KCNG1: variants seen among roughly 807,000 people sequenced by gnomAD.
The protein encoded by KCNG1 is potassium voltage-gated channel modifier subfamily G member 1.
Under a neutral mutation model 32.4 loss-of-function variants are expected in KCNG1, and 17 were observed. The ratio of observed to expected loss-of-function variants is 0.52; its 90% confidence interval spans 0.36 to 0.79. The LOEUF (loss-of-function observed/expected upper bound fraction) is 0.79. KCNG1 is among the 30% of genes least tolerant of loss of function. The pLI is 0.00. For synonymous variants in KCNG1, 358 were observed against 339.9 expected, an observed-to-expected ratio of 1.05 and a Z score of -0.59; for missense variants, 441 against 735.2, an observed-to-expected ratio of 0.60 and a Z score of 4.63.
At position 51,003,881 on chromosome 20, in the gene KCNG1, C is replaced by A; in HGVS notation, c.*158G>T. Reference sequence around the variant, plus strand: ...TCTGCTGATGTTCTAGTGTTCTTCCCGGGGTGTGGGAGTGAGGGTGTCCTT... The same window carrying A: ...TCTGCTGATGTTCTAGTGTTCTTCCAGGGGTGTGGGAGTGAGGGTGTCCTT... On this transcript the variant is annotated 3_prime_UTR_variant, in exon 3 of 3. Coordinates refer to ENST00000371571, the MANE Select transcript of KCNG1 (RefSeq NM_002237.4). 1 of 729,528 alleles carries A rather than the reference C, an allele frequency of 1.4e-6. No individual in the cohort carries two copies. The highest frequency in any genetic ancestry group is 2.9e-5 in the Admixed American group (1 of 34,598). 45.2% of individuals were successfully genotyped at this position (729,528 alleles called of 1,614,324 possible).
chr20:51,009,019 G>C (rs898619540), intron 2 of KCNG1, among the ~76,000 whole-genome samples: 2 of 152,166 alleles, frequency 1.3e-5, no homozygotes, highest in Non-Finnish European at 1.5e-5. Context: ...AGGCCCTGGA[G>C]TAAATAAACT....
chr20:51,004,961 G>C lies in KCNG1; in HGVS notation c.775-155C>G, dbSNP rs938730345. The C allele has an allele frequency of 6.1e-6, 4 of 660,450 alleles. No individual in the cohort carries two copies. The highest frequency in any genetic ancestry group is 9.8e-6 in the Non-Finnish European group (4 of 408,284). 40.9% of individuals were successfully genotyped at this position (660,450 alleles called of 1,614,324 possible). Reference sequence around the variant, plus strand: ...TCCTCTCCCTAGTTGTGCCCACTCCGAGGCCTGGGGCACTAAGCACCATCT... The same window carrying C: ...TCCTCTCCCTAGTTGTGCCCACTCCCAGGCCTGGGGCACTAAGCACCATCT... On this transcript the variant is annotated intron_variant, in intron 2 of 2. Coordinates refer to ENST00000371571, the MANE Select transcript of KCNG1 (RefSeq NM_002237.4). This position sits in a 1 kb window ranked among gnomAD's most constrained non-coding sequence, Gnocchi z 4.3.
At position 51,004,559 on chromosome 20, in the gene KCNG1, A is replaced by G; in HGVS notation, c.1022T>C (p.Val341Ala). 7 of 1,583,368 alleles carry G rather than the reference A, an allele frequency of 4.4e-6. No homozygotes were observed. The highest frequency in any genetic ancestry group is 5.1e-6 in the Non-Finnish European group (6 of 1,165,578). ...GCGCAGCGCCCGCAGCACGCGCAGC[A>G]CCAGCCCCACCTTGTCCAGGTAGCT... Reference protein sequence around the residue: ...GNSYLDKVGLVLRVLRALRIL... With the variant: ...GNSYLDKVGLALRVLRALRIL... Residue 341 changes from valine to alanine, a missense_variant, in exon 3 of 3, where the codon GTG becomes GCG. Transcript: ENST00000371571. This position sits in a 1 kb window ranked among gnomAD's most constrained non-coding sequence, Gnocchi z 4.3.
chr20:51,013,324 A>C (rs1315619586), intron 1 of KCNG1, among the ~76,000 whole-genome samples: 1 of 150,052 alleles, frequency 6.7e-6, no homozygotes, highest in Non-Finnish European at 1.5e-5. Context: ...CAAAACAAAA[A>C]AACAAAATCA....
intron 1 of KCNG1, among the ~76,000 whole-genome samples, chr20:51,022,287 G>C (rs1988511154): frequency 6.6e-6 from 1 of 152,144 alleles, no homozygotes; most frequent in African/African-American, 2.4e-5. Context: ...CTCCCACATG[G>C]AAACCCTAAG....
At position 51,004,274 on chromosome 20, in the gene KCNG1, G is replaced by C; in HGVS notation, c.1307C>G (p.Pro436Arg). Residue 436 changes from proline to arginine, a missense_variant, in exon 3 of 3, where the codon CCG (proline) becomes CGG (arginine). Around this residue, in one of 6 missense-constraint regions of KCNG1, gnomAD observed 12 missense variants for 51.4 expected, o/e 0.23. Transcript: ENST00000371571. This position sits in a 1 kb window ranked among gnomAD's most constrained non-coding sequence, Gnocchi z 4.3. ...GYGDMVPRSTPGQVVALSSIL... is the reference protein window; with the variant it reads ...GYGDMVPRSTRGQVVALSSIL... ...GCTGCTCAGGGCCACTACCTGGCCC[G>C]GGGTGCTCCTGGGGACCATGTCGCC... 1 of 1,613,412 alleles carries C rather than the reference G, an allele frequency of 6.2e-7. No homozygotes were observed. The highest frequency in any genetic ancestry group is 8.5e-7 in the Non-Finnish European group (1 of 1,179,432).
chr20:51,007,588 A>C (rs954980572), intron 2 of KCNG1, among the ~76,000 whole-genome samples: 6 of 152,230 alleles, frequency 3.9e-5, no homozygotes, highest in African/African-American at 1.4e-4. Flanking sequence ...TAAGCCAGGC[A>C]TGAGGGCCTA....
rs1988006240 is a variant in KCNG1 at position 51,010,054 on chromosome 20, G to A, written c.285C>T (p.Cys95=). The A allele has an allele frequency of 6.2e-7, 1 of 1,613,982 alleles. No individual in the cohort carries two copies. Among genetic ancestry groups the A allele is most frequent in the Non-Finnish European group, 8.5e-7 (1 of 1,179,994 alleles). ...PLTRLGQLKA[C]TNFDDILNVC... ...CGTTGAGGATGTCGTCGAAGTTGGTGCAGGCCTTGAGCTGGCCCAGGCGCG... is the reference window on the plus strand; with the variant it reads ...CGTTGAGGATGTCGTCGAAGTTGGTACAGGCCTTGAGCTGGCCCAGGCGCG... The change falls in exon 2 of 3, where the codon TGC becomes TGT. Residue 95 remains cysteine, a synonymous_variant. Coordinates refer to ENST00000371571, the MANE Select transcript of KCNG1 (RefSeq NM_002237.4).
chr20:51,017,852 C>T (rs1376885599), intron 1 of KCNG1, among the ~76,000 whole-genome samples: 5 of 152,234 alleles, frequency 3.3e-5, no homozygotes, highest in Admixed American at 1.3e-4. Flanking sequence ...CTGTGAGTCC[C>T]GCTTCATTGG....
At position 51,005,342 on chromosome 20, in the gene KCNG1, C is replaced by T. The variant is rs542531369; in HGVS notation, c.775-536G>A. ...GATGGTTGCAGTCACCTCACCTCCC[C>T]GCTGGGCTCCCTCATCCCTGCAGTC... is the stretch of plus-strand genomic sequence containing the variant. On this transcript the variant is annotated intron_variant, in intron 2 of 2. Coordinates refer to ENST00000371571, the MANE Select transcript of KCNG1 (RefSeq NM_002237.4). This position sits in a 1 kb window ranked among gnomAD's most constrained non-coding sequence, Gnocchi z 4.0. The T allele has an allele frequency of 5.2e-5, 8 of 152,922 alleles. No homozygotes were observed. In the East Asian group the frequency reaches 9.6e-4, roughly 18 times the overall value. The allele number at this position is 152,922 out of a possible 1,614,324, so 9.5% of individuals were successfully genotyped here.
At chr20:51,017,146 C>G (rs1368973602) in intron 1 of KCNG1, among the ~76,000 whole-genome samples, 2 of 152,128 alleles carry the variant, frequency 1.3e-5, no homozygotes, top group Admixed American at 1.3e-4. Flanking sequence ...TTTATGGTAC[C>G]AGGAGGTCCC....
intron 1 of KCNG1, among the ~76,000 whole-genome samples, chr20:51,022,155 T>C: frequency 6.6e-6 from 1 of 152,226 alleles, no homozygotes; most frequent in East Asian, 1.9e-4. Context: ...ACTGGATGAA[T>C]GACTGTTGAG....
chr20:51,018,466 G>T (rs571153361), intron 1 of KCNG1, among the ~76,000 whole-genome samples: 2 of 152,208 alleles, frequency 1.3e-5, no homozygotes, highest in East Asian at 1.9e-4. Context: ...CTGCTTTCAG[G>T]TCTCTCTCCG....
Position 51,003,794 on chromosome 20 carries a change from G to A in KCNG1, c.*245C>T. 2.0e-6 allele frequency: 1 copy of A among 500,578 alleles called. No homozygotes were observed. The highest frequency in any genetic ancestry group is 2.9e-5 in the South Asian group (1 of 34,502). The allele number at this position is 500,578 out of a possible 1,614,324, so 31.0% of individuals were successfully genotyped here. A position where few individuals can be genotyped will look rare whatever the true frequency, so the allele number is the denominator to read the frequency against. ...GGGAAACACACATAGGGGCTGGGGT[G>A]GGCGGGGCTGGGCTGATGACCCAGC... On this transcript the variant is annotated 3_prime_UTR_variant, in exon 3 of 3. Coordinates refer to ENST00000371571, the MANE Select transcript of KCNG1 (RefSeq NM_002237.4).
rs754367493 is a variant in KCNG1 at position 51,010,364 on chromosome 20, C to A, written c.-26G>T. The A allele has an allele frequency of 2.3e-5, 34 of 1,498,940 alleles. No individual in the cohort carries two copies. The East Asian group carries it at 7.3e-4, about 32-fold the overall frequency. 92.9% of individuals were successfully genotyped at this position (1,498,940 alleles called of 1,614,324 possible). Reference sequence around the variant, plus strand: ...TTTGGGCCTTCACATCCCTCTCGGGCCTGTGGGGAGAAGGGAGGGAAGACC... The same window carrying A: ...TTTGGGCCTTCACATCCCTCTCGGGACTGTGGGGAGAAGGGAGGGAAGACC... On this transcript the variant is annotated splice_region_variant and 5_prime_UTR_variant, in exon 2 of 3. Coordinates refer to ENST00000371571, the MANE Select transcript of KCNG1 (RefSeq NM_002237.4).
At position 51,004,312 on chromosome 20, in the gene KCNG1, C is replaced by T. The variant is rs751377534; in HGVS notation, c.1269G>A (p.Thr423=). ...ACYWWAVITM[T]TVGYGDMVPR... is the part of the protein sequence containing the mutation. Reference sequence around the variant, plus strand: ...GGACCATGTCGCCATAGCCCACCGTCGTCATGGTGATGACAGCCCACCAGT... The same window carrying T: ...GGACCATGTCGCCATAGCCCACCGTTGTCATGGTGATGACAGCCCACCAGT... The change falls in exon 3 of 3, where the codon ACG becomes ACA. Residue 423 remains threonine (T), a synonymous_variant. Coordinates refer to ENST00000371571, the MANE Select transcript of KCNG1 (RefSeq NM_002237.4). This position sits in a 1 kb window ranked among gnomAD's most constrained non-coding sequence, Gnocchi z 4.3. 5.0e-6 allele frequency: 8 copies of T among 1,613,410 alleles called. No homozygotes were observed. In the South Asian group the frequency reaches 5.5e-5, roughly 11 times the overall value.
rs1209891030 is a variant in KCNG1 at position 51,009,613 on chromosome 20, G to A, written c.726C>T (p.Val242=). The A allele has an allele frequency of 2.5e-6, 4 of 1,610,164 alleles. No homozygotes were observed. The highest frequency in any genetic ancestry group is 1.3e-5 in the African/African-American group (1 of 75,052). ...TGGGCAAGGTGCTGACGGAGAGGTT[G>A]ACGGCGGTGACGGTCACGAAGAGCA... ...LSVLFVTVTA[V]NLSVSTLPSL... The change falls in exon 2 of 3, where the codon GTC becomes GTT. Residue 242 remains valine (V), a synonymous_variant. Coordinates refer to ENST00000371571, the MANE Select transcript of KCNG1 (RefSeq NM_002237.4).
rs1488203466 is a variant in KCNG1, at chr20:51,010,199, C to T, written c.140G>A (p.Arg47Gln). Residue 47 changes from arginine to glutamine, a missense_variant, in exon 2 of 3, where the codon CGG (arginine) becomes CAG (glutamine). This residue lies in a region of KCNG1 where 85 missense variants were observed against 98.2 expected (regional missense o/e 0.87). Coordinates refer to ENST00000371571, the MANE Select transcript of KCNG1 (RefSeq NM_002237.4). ...GAFYRRAQRL[R>Q]PQDEPRQGCQ... ...GCCCTGGCGGGGCTCATCCTGCGGC[C>T]GCAGCCGCTGCGCCCGGCGGTAGAA... is the stretch of plus-strand genomic sequence containing the variant. 2 of 1,593,274 alleles carry T rather than the reference C, an allele frequency of 1.3e-6. No individual in the cohort carries two copies. Among genetic ancestry groups the T allele is most frequent in the Non-Finnish European group, 1.7e-6 (2 of 1,171,088 alleles).
rs1413230028 is a variant in KCNG1 at position 51,004,182 on chromosome 20, AGGAGCG to A, written c.1393_1398del (p.Arg465_Ser466del). The A allele has an allele frequency of 6.2e-7, 1 of 1,614,150 alleles. No individual in the cohort carries two copies. Reference sequence around the variant, plus strand: ...TCTTGCTCCTGCTTGAGCTCCAGGTAGGAGCGGGAGAAGGTGTGGAAGATGGAGGTG... The same window carrying A: ...TCTTGCTCCTGCTTGAGCTCCAGGTAGGAGAAGGTGTGGAAGATGGAGGTG... On this transcript the variant is annotated inframe_deletion, in exon 3 of 3. Coordinates refer to ENST00000371571, the MANE Select transcript of KCNG1 (RefSeq NM_002237.4). The surrounding 1 kb of genome is among the most constrained non-coding windows in gnomAD (Gnocchi z 4.3).
Sources: gnomAD v4.1 joint callset for allele counts (sites outside exome capture counted in the v4.1 genomes callset) on GRCh38, gnomAD v4.1.1 for gene constraint, gnomAD v4.1.1 regional missense constraint, Gnocchi (gnomAD v3.1) non-coding constraint, MANE v1.5 for transcripts, NCBI Gene and HGNC (gene_info 2026-07-23, HGNC 2026-07-21) for gene names.